The following RORA variants were observed in gnomAD, a reference collection of about 807,000 sequenced individuals.
RORA encodes nuclear receptor ROR-alpha.
RORA carries 7 observed loss-of-function variants against 69.5 expected under a neutral mutation model. The ratio of observed to expected loss-of-function variants is 0.10; its 90% CI spans 0.06 to 0.19. The LOEUF (loss-of-function observed/expected upper bound fraction) is 0.19. RORA is among the 10% of genes least tolerant of loss of function. The pLI, the probability that RORA is intolerant of heterozygous loss-of-function variation, is 1.00. For synonymous variants in RORA, 261 were observed against 240.8 expected (o/e 1.08, Z -0.78); for missense variants, 457 against 663.0 (o/e 0.69, Z 3.41).
chr15:60,764,388 A>G (rs1360946830), intron 1 of RORA, among the ~76,000 whole-genome samples: 2 of 152,176 alleles, frequency 1.3e-5, no homozygotes, highest in Non-Finnish European at 2.9e-5. Context: ...GGAATGGAAT[A>G]AAATGGTCTT....
chr15:60,751,071 T>C (rs1452572212), intron 1 of RORA, among the ~76,000 whole-genome samples: 1 of 152,096 alleles, frequency 6.6e-6, no homozygotes, highest in Non-Finnish European at 1.5e-5. Context: ...TCCAAGACAG[T>C]GCAGAGGGCC....
intron 2 of RORA, among the ~76,000 whole-genome samples, chr15:60,616,046 A>G (rs913814903): frequency 6.6e-6 from 1 of 152,220 alleles, no homozygotes; most frequent in Non-Finnish European, 1.5e-5. Context: ...GGACTCTTAT[A>G]AAACTCAATG....
intron 1 of RORA, among the ~76,000 whole-genome samples, chr15:60,855,335 G>GCAGGCGCC (rs2073367715): frequency 6.6e-6 from 1 of 152,198 alleles, no homozygotes; most frequent in South Asian, 2.1e-4. Flanking sequence ...ATGACAGATT[G>GCAGGCGCC]TATAGGCGCC....
At chr15:61,212,756 A>G (rs1033871320) in intron 1 of RORA, among the ~76,000 whole-genome samples, 1 of 152,130 alleles carries the variant, frequency 6.6e-6, no homozygotes, top group Non-Finnish European at 1.5e-5. Context: ...CTTTTGTGAG[A>G]GACTTTTCTT....
At chr15:60,819,746 GACACACACAC>G (rs59044853) in intron 1 of RORA, among the ~76,000 whole-genome samples, 41,730 of 119,106 alleles carry the variant, frequency 0.35, 7,075 homozygotes, top group Non-Finnish European at 0.45. Context: ...GTCAAACCCA[GACACACACAC>G]ACACACACAC....
chr15:60,682,293 T>G (rs2070655015), intron 1 of RORA: 1 of 152,232 alleles, frequency 6.6e-6, no homozygotes, highest in Admixed American at 6.5e-5. Flanking sequence ...GTGAAAGCTA[T>G]GCCATTGCTA....
chr15:61,197,346 C>A (rs765315431), intron 1 of RORA, among the ~76,000 whole-genome samples: 1 of 152,196 alleles, frequency 6.6e-6, no homozygotes, highest in African/African-American at 2.4e-5. Flanking sequence ...CGTCTCCAGG[C>A]AAGGGCTCCC....
intron 1 of RORA, among the ~76,000 whole-genome samples, chr15:60,993,467 C>T (rs1280683237): frequency 6.6e-6 from 1 of 151,876 alleles, no homozygotes; most frequent in Non-Finnish European, 1.5e-5. Flanking sequence ...GGTGAAACCC[C>T]ATCTCTACTA....
At position 60,654,178 on chromosome 15, in the gene RORA, T is replaced by C. The variant is rs557295877; in HGVS notation, c.196+24479A>G. On this transcript the variant is annotated intron_variant, in intron 2 of 10. Transcript: ENST00000335670. ...AAGTCTTATTTCTTCTCTTTGCAAA[T>C]GAAGATTCCAATCTTCTCATCCTGA... Among the ~76,000 whole-genome samples, 23 of 152,338 alleles carry C rather than the reference T, an allele frequency of 1.5e-4. No individual in the cohort carries two copies. The South Asian group carries it at 3.9e-3, about 26-fold the overall frequency.
intron 1 of RORA, among the ~76,000 whole-genome samples, chr15:61,149,256 G>C (rs760526309): frequency 6.6e-6 from 1 of 152,152 alleles, no homozygotes; most frequent in African/African-American, 2.4e-5. Flanking sequence ...CATGGCGGGG[G>C]AGTTCCCATC....
At chr15:61,007,225 G>C (rs941283834) in intron 1 of RORA, among the ~76,000 whole-genome samples, 6 of 152,164 alleles carry the variant, frequency 3.9e-5, no homozygotes, top group South Asian at 2.1e-4. Flanking sequence ...CAAGGTAGGT[G>C]GTTGGTTGTT....
intron 1 of RORA, among the ~76,000 whole-genome samples, chr15:60,841,337 C>T (rs1212785537): frequency 2.0e-5 from 3 of 152,212 alleles, no homozygotes; most frequent in African/African-American, 7.2e-5. Context: ...AGAGAGGAAG[C>T]AAAGCCACAA....
intron 1 of RORA, among the ~76,000 whole-genome samples, chr15:61,101,394 C>T (rs1566989449): frequency 6.6e-6 from 1 of 151,890 alleles, no homozygotes; most frequent in African/African-American, 2.4e-5. Context: ...CAGTAGGGGT[C>T]AGCTGTGGAG....
chr15:61,043,903 C>G (rs1308289283), intron 1 of RORA, among the ~76,000 whole-genome samples: 2 of 152,096 alleles, frequency 1.3e-5, no homozygotes, highest in African/African-American at 4.8e-5. Flanking sequence ...CCCAAGCAGT[C>G]TGAAACTTCA....
At chr15:60,985,150 T>G (rs1894161905) in intron 1 of RORA, among the ~76,000 whole-genome samples, 1 of 152,206 alleles carries the variant, frequency 6.6e-6, no homozygotes, top group African/African-American at 2.4e-5. Context: ...ACTGTGGAAA[T>G]TCTCCTAAGG....
intron 1 of RORA, chr15:61,039,154 C>T (rs1270650275): frequency 7.9e-5 from 12 of 152,158 alleles, no homozygotes; most frequent in Non-Finnish European, 1.6e-4. Context: ...GATTTTGAAA[C>T]ACTACAGGGC....
chr15:60,746,632 T>C (rs951930246), intron 1 of RORA, among the ~76,000 whole-genome samples: 1 of 152,204 alleles, frequency 6.6e-6, no homozygotes, highest in East Asian at 1.9e-4. Context: ...GAAGTTTCTA[T>C]TAACTTTCCA....
In RORA at chr15:60,605,492, G is replaced by T. The variant is rs1032897352; in HGVS notation, c.196+73165C>A. On this transcript the variant is annotated intron_variant, in intron 2 of 10. Transcript: ENST00000335670. ...CTAAGGCTAACAACATAATCTAAAT[G>T]TTAAACTATAGTGGAAAAGAAACTA... 3.9e-5 allele frequency among the ~76,000 whole-genome samples: 6 copies of T among 152,084 alleles called. No homozygotes were observed. The East Asian group carries it at 5.8e-4, about 15-fold the overall frequency.
At chr15:61,223,049 C>T (rs1020804336) in intron 1 of RORA, among the ~76,000 whole-genome samples, 1 of 152,104 alleles carries the variant, frequency 6.6e-6, no homozygotes, top group Non-Finnish European at 1.5e-5. Flanking sequence ...CATGGTGATT[C>T]ACACCTGTAA....
Sources: gnomAD v4.1 joint callset for allele counts (sites outside exome capture counted in the v4.1 genomes callset) on GRCh38, gnomAD v4.1.1 for gene constraint, MANE v1.5 for transcripts, NCBI Gene and HGNC (gene_info 2026-07-23, HGNC 2026-07-21) for gene names.